Variants in KLHL40 observed in about 807,000 individuals in gnomAD.
The protein encoded by KLHL40 is kelch-like protein 40.
Under a neutral mutation model 49.7 loss-of-function variants are expected in KLHL40, and 44 were observed. That is an observed-to-expected ratio of 0.89 (90% confidence interval 0.70 to 1.14). The LOEUF is 1.14. Among genes scored for constraint, KLHL40 ranks in the 50% most tolerant of loss-of-function variants. The probability of loss-of-function intolerance (pLI) is 0.00; values close to 1 mark genes in which losing one functional copy is unlikely to be tolerated. For synonymous variants in KLHL40, 409 were observed against 365.2 expected, an observed-to-expected ratio of 1.12 and a Z score of -1.37; for missense variants, 892 against 850.3, an observed-to-expected ratio of 1.05 and a Z score of -0.61.
chr3:42,687,291 T>C (rs1697287977), intron 1 of KLHL40, among the ~76,000 whole-genome samples: 3 of 152,108 alleles, frequency 2.0e-5, no homozygotes, highest in Non-Finnish European at 4.4e-5. Context: ...AGACTGGCCA[T>C]ATAAGTTTGA....
chr3:42,691,097 C>A, intron 5 of KLHL40, 92 bp downstream of exon 5: 1 of 1,311,870 alleles, frequency 7.6e-7, no homozygotes, highest in East Asian at 2.4e-5. Flanking sequence ...TGGGCAAGCT[C>A]CTCTGGGGGC....
In KLHL40 at chr3:42,686,089, C is replaced by G. The variant is rs760375973; in HGVS notation, c.471C>G (p.Cys157Trp). 8.1e-6 allele frequency: 13 copies of G among 1,602,432 alleles called. No individual in the cohort carries two copies. The highest frequency in any genetic ancestry group is 1.1e-5 in the Non-Finnish European group (13 of 1,179,874). Reference sequence around the variant, plus strand: ...CCGTGGCTGCCCGCGACTTCATCTGCGCTCACTTCACGCTGGTGGCGCGCG... The same window carrying G: ...CCGTGGCTGCCCGCGACTTCATCTGGGCTCACTTCACGCTGGTGGCGCGCG... Reference protein sequence around the residue: ...RLAVAARDFICAHFTLVARDA... With the variant: ...RLAVAARDFIWAHFTLVARDA... The change falls in exon 1 of 6, where the codon TGC becomes TGG. Residue 157 changes from cysteine (C) to tryptophan (W), a missense_variant. Transcript: ENST00000287777.
In KLHL40 at chr3:42,686,401, C is replaced by A. The variant is rs769290437; in HGVS notation, c.783C>A (p.His261Gln). 4.3e-6 allele frequency: 7 copies of A among 1,613,426 alleles called. No individual in the cohort carries two copies. In the Admixed American group the frequency reaches 5.0e-5, roughly 12 times the overall value. Reference sequence around the variant, plus strand: ...AGGTGCAGATGGTGAAGGATGCACACGAGGGCCGCATCACCACGCTGCGGA... The same window carrying A: ...AGGTGCAGATGGTGAAGGATGCACAAGAGGGCCGCATCACCACGCTGCGGA... Reference protein sequence around the residue: ...LRKVQMVKDAHEGRITTLRKK... With the variant: ...LRKVQMVKDAQEGRITTLRKK... Residue 261 changes from histidine to glutamine, a missense_variant, in exon 1 of 6, where the codon CAC becomes CAA. His to Gln is a conservative substitution (Grantham distance 24, BLOSUM62 0). Transcript: ENST00000287777.
rs539687163 is a variant in KLHL40 at position 42,685,824 on chromosome 3, C to T, written c.206C>T (p.Ala69Val). 4 of 1,612,972 alleles carry T rather than the reference C, an allele frequency of 2.5e-6. No homozygotes were observed. The highest frequency in any genetic ancestry group is 1.7e-5 in the Admixed American group (1 of 59,994). ...RARFLAEPER[A>V]GELHLEEVSP... Reference sequence around the variant, plus strand: ...CGCTTTCTAGCCGAGCCGGAGCGCGCGGGCGAGCTGCACCTGGAGGAGGTG... The same window carrying T: ...CGCTTTCTAGCCGAGCCGGAGCGCGTGGGCGAGCTGCACCTGGAGGAGGTG... The change falls in exon 1 of 6, where the codon GCG (alanine) becomes GTG (valine). Residue 69 changes from alanine to valine, a missense_variant. Physicochemically the swap from Ala to Val is moderately conservative, Grantham distance 64 (BLOSUM62 0). Coordinates refer to ENST00000287777, the MANE Select transcript of KLHL40 (RefSeq NM_152393.4).
Position 42,685,815 on chromosome 3 carries a change from C to T in KLHL40, c.197C>T (p.Pro66Leu), listed in dbSNP as rs200810691. The T allele has an allele frequency of 1.9e-6, 3 of 1,612,442 alleles. No homozygotes were observed. The highest frequency in any genetic ancestry group is 2.2e-5 in the East Asian group (1 of 44,864). ...TTCCGGGCGCGCTTTCTAGCCGAGC[C>T]GGAGCGCGCGGGCGAGCTGCACCTG... ...PYFRARFLAEPERAGELHLEE... is the reference protein window; with the variant it reads ...PYFRARFLAELERAGELHLEE... The change falls in exon 1 of 6, where the codon CCG becomes CTG. Residue 66 changes from proline (P) to leucine (L), a missense_variant. Transcript: ENST00000287777.
Position 42,688,537 on chromosome 3 carries a change from A to T in KLHL40, c.1314-73A>T, listed in dbSNP as rs969725272. 4.3e-6 allele frequency: 5 copies of T among 1,157,606 alleles called. No individual in the cohort carries two copies. The highest frequency in any genetic ancestry group is 1.5e-5 in the African/African-American group (1 of 65,710). The allele number at this position is 1,157,606 out of a possible 1,614,324, so 71.7% of individuals were successfully genotyped here. ...GAATATGTGTTAGGTGGATGGGCGG[A>T]TGGGTGCAGAGACAGGGACTGAGCC... On this transcript the variant is annotated intron_variant, in intron 2 of 5. Coordinates refer to ENST00000287777, the MANE Select transcript of KLHL40 (RefSeq NM_152393.4). This position sits in a 1 kb window ranked among gnomAD's most constrained non-coding sequence, Gnocchi z 4.2.
At chr3:42,689,214 C>A (rs111573945) in intron 4 of KLHL40, among the ~76,000 whole-genome samples, 160 bp downstream of exon 4, 6 of 152,040 alleles carry the variant, frequency 3.9e-5, no homozygotes, top group Non-Finnish European at 7.4e-5. Context: ...GGTGGGGAGG[C>A]GGGGCAAGGG....
At chr3:42,691,169 C>T (rs569327210) in intron 5 of KLHL40, among the ~76,000 whole-genome samples, 164 bp downstream of exon 5, 4 of 152,238 alleles carry the variant, frequency 2.6e-5, no homozygotes, top group Admixed American at 2.0e-4. Flanking sequence ...CCTGCTTGGC[C>T]GTTTCTCACC....
At chr3:42,689,393 G>A (rs1697326237) in intron 4 of KLHL40, among the ~76,000 whole-genome samples, 1 of 152,174 alleles carries the variant, frequency 6.6e-6, no homozygotes. Flanking sequence ...ACTGAACTGA[G>A]AGACAGTTGG....
At position 42,685,994 on chromosome 3, in the gene KLHL40, A is replaced by T. The variant is rs1697265381; in HGVS notation, c.376A>T (p.Lys126Ter). 1 of 1,611,516 alleles carries T rather than the reference A, an allele frequency of 6.2e-7. No individual in the cohort carries two copies. ...IFTICVSFLQ[K>*]RLCLSNCLAV... ...CACCATCTGCGTGTCCTTCCTGCAG[A>T]AGCGCCTGTGCCTCTCCAACTGCTT... Residue 126 changes from lysine (K) to a stop codon, truncating the protein, a stop_gained, in exon 1 of 6, where the codon AAG becomes TAG. Transcript: ENST00000287777. LOFTEE classifies it high-confidence loss of function.
intron 4 of KLHL40, among the ~76,000 whole-genome samples, chr3:42,690,083 T>TG (rs1175955909): frequency 6.6e-6 from 1 of 151,494 alleles, no homozygotes; most frequent in African/African-American, 2.4e-5. Context: ...CATGTGGACT[T>TG]GAAGTACCTG....
chr3:42,690,825 C>T (rs1317524783), intron 4 of KLHL40, 34 bp from the exon 5 acceptor site: 5 of 1,555,286 alleles, frequency 3.2e-6, no homozygotes, highest in East Asian at 2.3e-5. Context: ...CTTGCCGAGG[C>T]ATCCCAATGA....
At chr3:42,689,787 A>C (rs990048587) in intron 4 of KLHL40, among the ~76,000 whole-genome samples, 13 of 151,968 alleles carry the variant, frequency 8.6e-5, no homozygotes, top group African/African-American at 2.9e-4. Flanking sequence ...TGGGCATGCA[A>C]ATCTCCTGGG....
In KLHL40 at chr3:42,685,597, A is replaced by ACCCTAGG; in HGVS notation, c.-20_-19insCTAGGCC. 1 of 1,555,592 alleles carries ACCCTAGG rather than the reference A, an allele frequency of 6.4e-7. No homozygotes were observed. Among genetic ancestry groups the ACCCTAGG allele is most frequent in the Non-Finnish European group, 8.7e-7 (1 of 1,149,458 alleles). The stretch of plus-strand genomic sequence containing the variant: ...AGAGAGGAGCCCCCTTGGCACCGCC[A>ACCCTAGG]CCGCACCCTAGGCCACCCACCATGG... On this transcript the variant is annotated 5_prime_UTR_variant, in exon 1 of 6. Transcript: ENST00000287777.
chr3:42,688,881 C>T lies in KLHL40; in HGVS notation c.1434C>T (p.Asn478=). 1 of 1,613,868 alleles carries T rather than the reference C, an allele frequency of 6.2e-7. No individual in the cohort carries two copies. Among genetic ancestry groups the T allele is most frequent in the Non-Finnish European group, 8.5e-7 (1 of 1,179,824 alleles). ...GGKGSDRKCL[N]KMCVYDPKKF... is the part of the protein sequence containing the mutation. ...CTCCACCCCACAGGAAGTGCCTGAA[C>T]AAGATGTGCGTCTATGACCCCAAGA... is the stretch of plus-strand genomic sequence containing the variant. The change falls in exon 4 of 6, where the codon AAC becomes AAT. Residue 478 remains asparagine, a synonymous_variant. Coordinates refer to ENST00000287777, the MANE Select transcript of KLHL40 (RefSeq NM_152393.4). The surrounding 1 kb of genome is among the most constrained non-coding windows in gnomAD (Gnocchi z 4.2).
chr3:42,685,567 G>A lies in KLHL40; in HGVS notation c.-52G>A. 1.3e-6 allele frequency: 2 copies of A among 1,498,432 alleles called. No homozygotes were observed. Among genetic ancestry groups the A allele is most frequent in the South Asian group, 1.3e-5 (1 of 76,234 alleles). 92.8% of individuals were successfully genotyped at this position (1,498,432 alleles called of 1,614,324 possible). A position where few individuals can be genotyped will look rare whatever the true frequency, so the allele number is the denominator to read the frequency against. On this transcript the variant is annotated 5_prime_UTR_variant, in exon 1 of 6. Coordinates refer to ENST00000287777, the MANE Select transcript of KLHL40 (RefSeq NM_152393.4). ...AAGCAAACCCCAGCAGGAAAGCAGG[G>A]GTACAGAGAGGAGCCCCCTTGGCAC...
Position 42,686,598 on chromosome 3 carries a change from G to T in KLHL40, c.980G>T (p.Gly327Val). 6.2e-7 allele frequency: 1 copy of T among 1,614,112 alleles called. No individual in the cohort carries two copies. The change falls in exon 1 of 6, where the codon GGC becomes GTC. Residue 327 changes from glycine to valine, a missense_variant. Transcript: ENST00000287777. Reference sequence around the variant, plus strand: ...CTCATCTTCATGATCAGTGAGGAGGGCGCTGTGGCCTACGATCCAGCAGCC... The same window carrying T: ...CTCATCTTCATGATCAGTGAGGAGGTCGCTGTGGCCTACGATCCAGCAGCC... Reference protein sequence around the residue: ...QDLIFMISEEGAVAYDPAANE... With the variant: ...QDLIFMISEEVAVAYDPAANE...
intron 5 of KLHL40, among the ~76,000 whole-genome samples, chr3:42,691,380 T>C (rs1167790538): frequency 6.6e-6 from 1 of 152,090 alleles, no homozygotes; most frequent in Non-Finnish European, 1.5e-5. Flanking sequence ...TGGGAAACAG[T>C]TGGAGCCCTG....
At chr3:42,687,277 C>T (rs1697287815) in intron 1 of KLHL40, among the ~76,000 whole-genome samples, 1 of 152,176 alleles carries the variant, frequency 6.6e-6, no homozygotes, top group South Asian at 2.1e-4. Flanking sequence ...AGACAGTTTC[C>T]TGGAGACTGG....
Sources: allele counts gnomAD v4.1 joint callset (sites outside exome capture counted in the v4.1 genomes callset), GRCh38; gene constraint gnomAD v4.1.1; non-coding constraint Gnocchi (gnomAD v3.1); transcripts MANE v1.5; gene names NCBI Gene and HGNC (gene_info 2026-07-23, HGNC 2026-07-21).